The following CSTPP1 variants were observed in gnomAD, a reference collection of about 807,000 sequenced individuals.
The protein encoded by CSTPP1 is UPF0705 protein C11orf49.
chr11:47,061,681 C>T, the CSTPP1 span, among the ~76,000 whole-genome samples: 97 of 152,294 alleles, frequency 6.4e-4, no homozygotes, highest in Middle Eastern at 0.014. Flanking sequence ...CCAGCCAGTG[C>T]ATCTCCTCTT....
the CSTPP1 span, chr11:47,122,979 A>G: frequency 2.0e-5 from 3 of 152,146 alleles, no homozygotes; most frequent in Non-Finnish European, 2.9e-5. Flanking sequence ...GATGTATCCC[A>G]TTCTTTTCCC....
chr11:47,101,179 T>TTTTTTTTTG, the CSTPP1 span, among the ~76,000 whole-genome samples: 1 of 94,574 alleles, frequency 1.1e-5, no homozygotes, highest in Non-Finnish European at 2.4e-5. Context: ...TTTTTTTTTT[T>TTTTTTTTTG]TTTTTTTTTT....
At chr11:47,036,096 ATATT>A in the CSTPP1 span, among the ~76,000 whole-genome samples, 4 of 12,412 alleles carry the variant, frequency 3.2e-4, 1 homozygote, top group Non-Finnish European at 6.7e-4. Context: ...ATTATATTAT[ATATT>A]ATATATTATA....
At chr11:46,958,691 T>G in the CSTPP1 span, among the ~76,000 whole-genome samples, 1 of 152,136 alleles carries the variant, frequency 6.6e-6, no homozygotes, top group African/African-American at 2.4e-5. Flanking sequence ...AGTCCCACCA[T>G]TTGTGCCTGC....
chr11:46,975,199 C>T, the CSTPP1 span, among the ~76,000 whole-genome samples: 1 of 151,932 alleles, frequency 6.6e-6, no homozygotes, highest in Non-Finnish European at 1.5e-5. Flanking sequence ...ATTGCTTGAA[C>T]CTGGGAGGTC....
At chr11:47,159,222 T>C in the CSTPP1 span, among the ~76,000 whole-genome samples, 3 of 152,046 alleles carry the variant, frequency 2.0e-5, no homozygotes, top group African/African-American at 7.2e-5. Context: ...AAGGAGGCAA[T>C]TGACAGGCCA....
At chr11:47,009,124 A>T in the CSTPP1 span, among the ~76,000 whole-genome samples, 5 of 152,188 alleles carry the variant, frequency 3.3e-5, no homozygotes, top group African/African-American at 1.2e-4. Flanking sequence ...CATTGGGAAA[A>T]GTGGCACTAA....
At chr11:46,992,972 G>A in the CSTPP1 span, among the ~76,000 whole-genome samples, 12 of 151,982 alleles carry the variant, frequency 7.9e-5, no homozygotes, top group African/African-American at 9.7e-5. Context: ...TTTGATTTGC[G>A]TTCTCTGATG....
the CSTPP1 span, among the ~76,000 whole-genome samples, chr11:46,981,500 C>T: frequency 6.6e-6 from 1 of 151,922 alleles, no homozygotes; most frequent in African/African-American, 2.4e-5. Context: ...AAAGATCATA[C>T]CAGTACTTTG....
At chr11:47,152,169 G>A in the CSTPP1 span, among the ~76,000 whole-genome samples, 1 of 151,638 alleles carries the variant, frequency 6.6e-6, no homozygotes. Context: ...AGAATCACCT[G>A]AACCTAGGAG....
At chr11:47,066,819 G>T in the CSTPP1 span, among the ~76,000 whole-genome samples, 15 of 152,200 alleles carry the variant, frequency 9.9e-5, no homozygotes, top group East Asian at 2.9e-3. Flanking sequence ...CAAAAATTGG[G>T]TAATCTTACT....
the CSTPP1 span, among the ~76,000 whole-genome samples, chr11:46,984,063 TAC>T: frequency 6.6e-6 from 1 of 152,192 alleles, no homozygotes; most frequent in African/African-American, 2.4e-5. Flanking sequence ...CAGACAGACA[TAC>T]ACACACATAA....
chr11:46,958,726 T>A, the CSTPP1 span, among the ~76,000 whole-genome samples: 1 of 146,722 alleles, frequency 6.8e-6, no homozygotes, highest in African/African-American at 2.4e-5. Context: ...GGAAAGCCAG[T>A]GGTGTAGTTC....
the CSTPP1 span, among the ~76,000 whole-genome samples, chr11:46,982,899 C>CTTCT: frequency 6.6e-6 from 1 of 152,080 alleles, no homozygotes; most frequent in Non-Finnish European, 1.5e-5. Flanking sequence ...TCACCACAGT[C>CTTCT]TTCTGTGGTA....
chr11:47,081,613 T>G, the CSTPP1 span, among the ~76,000 whole-genome samples: 2 of 152,184 alleles, frequency 1.3e-5, no homozygotes, highest in Admixed American at 6.5e-5. Context: ...ATTGACATAT[T>G]AATAGACAGG....
the CSTPP1 span, among the ~76,000 whole-genome samples, chr11:47,072,873 G>A: frequency 6.6e-6 from 1 of 152,144 alleles, no homozygotes; most frequent in South Asian, 2.1e-4. Flanking sequence ...AAGCAATGAT[G>A]AGCAAATATG....
At chr11:47,052,192 A>T in the CSTPP1 span, 2 of 522,848 alleles carry the variant, frequency 3.8e-6, no homozygotes, top group East Asian at 8.0e-5. Context: ...ACTGGCCTCC[A>T]AGAGTTTTCG....
the CSTPP1 span, among the ~76,000 whole-genome samples, chr11:47,119,561 G>A: frequency 2.0e-5 from 3 of 150,702 alleles, no homozygotes; most frequent in Non-Finnish European, 3.0e-5. Flanking sequence ...GCTACAGAAC[G>A]GAGCTGTTCC....
chr11:47,066,643 A>G, the CSTPP1 span, among the ~76,000 whole-genome samples: 1 of 152,244 alleles, frequency 6.6e-6, no homozygotes, highest in African/African-American at 2.4e-5. Context: ...ATACAACTGC[A>G]CAACAATAAG....
Sources: allele counts gnomAD v4.1 joint callset (sites outside exome capture counted in the v4.1 genomes callset), GRCh38; gene constraint gnomAD v4.1.1; transcripts MANE v1.5; gene names NCBI Gene and HGNC (gene_info 2026-07-23, HGNC 2026-07-21).